The following CHMP7 variants were observed in gnomAD, a reference collection of about 807,000 sequenced individuals.
CHMP7 encodes charged multivesicular body protein 7.
CHMP7 carries 15 observed loss-of-function variants against 53.7 expected under a neutral mutation model. That is an observed-to-expected ratio of 0.28 (90% confidence interval 0.19 to 0.43). CHMP7 has a LOEUF of 0.43. Among genes scored for constraint, CHMP7 ranks in the 20% least tolerant of loss-of-function variants. The pLI is 1.00. For missense variants in CHMP7, 527 were observed against 569.4 expected, an observed-to-expected ratio of 0.93 and a Z score of 0.76; for synonymous variants, 261 against 228.0, an observed-to-expected ratio of 1.14 and a Z score of -1.30.
At chr8:23,257,091 CTT>C (rs1195836725) in intron 5 of CHMP7, among the ~76,000 whole-genome samples, 4 of 130,888 alleles carry the variant, frequency 3.1e-5, no homozygotes, top group Non-Finnish European at 4.9e-5. Context: ...CGTGCCCGGC[CTT>C]TTTTTTTTTT....
intron 2 of CHMP7, among the ~76,000 whole-genome samples, chr8:23,248,448 G>A (rs751199088): frequency 6.6e-5 from 10 of 152,318 alleles, no homozygotes; most frequent in Non-Finnish European, 1.2e-4. Context: ...AATTACTTTT[G>A]CACCAACCTA....
In CHMP7 at chr8:23,251,725, C is replaced by G. The variant is rs190222913; in HGVS notation, c.471+2344C>G. Among the ~76,000 whole-genome samples the G allele has an allele frequency of 2.6e-4, 40 of 152,280 alleles. 1 individual carries two copies. Among genetic ancestry groups the G allele is most frequent in the African/African-American group, 9.4e-4 (39 of 41,548 alleles). The stretch of plus-strand genomic sequence containing the variant: ...CCAGGCCCTACACAGTATGGATTTA[C>G]TCGATTCTTTTTGATGCCTGCATGA... On this transcript the variant is annotated intron_variant, in intron 3 of 10. Transcript: ENST00000397677.
chr8:23,253,438 A>G (rs1383340526), intron 3 of CHMP7, among the ~76,000 whole-genome samples: 2 of 152,074 alleles, frequency 1.3e-5, no homozygotes, highest in African/African-American at 2.4e-5. Flanking sequence ...CGCTGCCACC[A>G]TGGCCAGCTA....
At chr8:23,250,018 G>A (rs1801855377) in intron 3 of CHMP7, among the ~76,000 whole-genome samples, 1 of 152,174 alleles carries the variant, frequency 6.6e-6, no homozygotes, top group Admixed American at 6.5e-5. Flanking sequence ...CAGATCCGTA[G>A]CCCTCGATCA....
Position 23,249,317 on chromosome 8 carries a change from C to G in CHMP7, c.407C>G (p.Ser136Cys). ...FLLKPLKWTL[S>C]NMLGDNKVPA... Reference sequence around the variant, plus strand: ...CTGAAGCCTCTCAAGTGGACTCTTTCTAACATGCTGGGAGATAATAAGGTT... The same window carrying G: ...CTGAAGCCTCTCAAGTGGACTCTTTGTAACATGCTGGGAGATAATAAGGTT... The change falls in exon 3 of 11, where the codon TCT becomes TGT. Residue 136 changes from serine (S) to cysteine (C), a missense_variant. Physicochemically the swap from Ser to Cys is moderately radical, Grantham distance 112. Coordinates refer to ENST00000397677, the MANE Select transcript of CHMP7 (RefSeq NM_152272.5). 6.2e-7 allele frequency: 1 copy of G among 1,613,336 alleles called. No individual in the cohort carries two copies. Among genetic ancestry groups the G allele is most frequent in the Non-Finnish European group, 8.5e-7 (1 of 1,179,728 alleles).
chr8:23,257,611 A>ACTG (rs1464304345), intron 5 of CHMP7, among the ~76,000 whole-genome samples: 1 of 152,186 alleles, frequency 6.6e-6, no homozygotes, highest in African/African-American at 2.4e-5. Flanking sequence ...TGTACAAGGA[A>ACTG]TCCCTAATAA....
intron 2 of CHMP7, among the ~76,000 whole-genome samples, chr8:23,248,727 AC>A (rs1457892572): frequency 1.3e-5 from 2 of 152,208 alleles, no homozygotes; most frequent in Non-Finnish European, 2.9e-5. Context: ...CCAAATAGTT[AC>A]ATCGTATCCT....
chr8:23,251,672 T>G (rs540234750), intron 3 of CHMP7, among the ~76,000 whole-genome samples: 1 of 152,222 alleles, frequency 6.6e-6, no homozygotes, highest in Non-Finnish European at 1.5e-5. Flanking sequence ...TTGTTTTCTT[T>G]CCATTGCATT....
chr8:23,246,677 T>C lies in CHMP7; in HGVS notation c.-19T>C. ...AGGGCCAGGCTTGTGTTCGCAGCCT[T>C]GCCGGGGCTGGGGTTCCGATGTGGT... On this transcript the variant is annotated 5_prime_UTR_variant, in exon 2 of 11. Transcript: ENST00000397677. 1.3e-6 allele frequency: 2 copies of C among 1,543,782 alleles called. No individual in the cohort carries two copies. The highest frequency in any genetic ancestry group is 1.7e-6 in the Non-Finnish European group (2 of 1,143,782).
rs564528294 is a variant in CHMP7, at chr8:23,255,707, G to A, written c.657+275G>A. Among the ~76,000 whole-genome samples, 282 of 151,426 alleles carry A rather than the reference G, an allele frequency of 1.9e-3. 1 individual carries two copies. The highest frequency in any genetic ancestry group is 2.1e-3 in the Non-Finnish European group (143 of 67,968). On this transcript the variant is annotated intron_variant, in intron 4 of 10. Coordinates refer to ENST00000397677, the MANE Select transcript of CHMP7 (RefSeq NM_152272.5). ...TCCCCGCCTGAGTCACTTAGGAGTC[G>A]TCTCAGTGATCAGATTGACTGTCAC...
chr8:23,250,004 C>T (rs1396815509), intron 3 of CHMP7, among the ~76,000 whole-genome samples: 3 of 152,160 alleles, frequency 2.0e-5, no homozygotes, highest in African/African-American at 7.2e-5. Context: ...CAGGAGACTC[C>T]CAGCAGATCC....
At chr8:23,259,317 T>C (rs112310103) in intron 9 of CHMP7, among the ~76,000 whole-genome samples, 191 bp downstream of exon 9, 14,374 of 147,170 alleles carry the variant, frequency 0.098, 893 homozygotes, top group Middle Eastern at 0.25. Context: ...TACAGGCGCC[T>C]GCCACTATGC....
Position 23,260,748 on chromosome 8 carries a change from G to T in CHMP7, c.*149G>T. On this transcript the variant is annotated 3_prime_UTR_variant, in exon 11 of 11. Coordinates refer to ENST00000397677, the MANE Select transcript of CHMP7 (RefSeq NM_152272.5). Reference sequence around the variant, plus strand: ...ATCTGGATGCTACTACTTACTACAGGACAGATAGAATTTCTGGAAGCGATG... The same window carrying T: ...ATCTGGATGCTACTACTTACTACAGTACAGATAGAATTTCTGGAAGCGATG... The T allele has an allele frequency of 1.5e-6, 1 of 671,366 alleles. No homozygotes were observed. The highest frequency in any genetic ancestry group is 2.6e-6 in the Non-Finnish European group (1 of 381,968). The allele number at this position is 671,366 out of a possible 1,614,324, so 41.6% of individuals were successfully genotyped here.
At position 23,260,644 on chromosome 8, in the gene CHMP7, G is replaced by T. The variant is rs1011415553; in HGVS notation, c.*45G>T. Reference sequence around the variant, plus strand: ...CTCATGTAAAAGAGAGACCAGGCTTGCTGGGTGTGTACATAGTTATTTAAA... The same window carrying T: ...CTCATGTAAAAGAGAGACCAGGCTTTCTGGGTGTGTACATAGTTATTTAAA... On this transcript the variant is annotated 3_prime_UTR_variant, in exon 11 of 11. Transcript: ENST00000397677. 24 of 1,391,822 alleles carry T rather than the reference G, an allele frequency of 1.7e-5. No homozygotes were observed. Among genetic ancestry groups the T allele is most frequent in the Non-Finnish European group, 2.4e-5 (23 of 975,846 alleles). The allele number at this position is 1,391,822 out of a possible 1,614,324, so 86.2% of individuals were successfully genotyped here.
intron 4 of CHMP7, among the ~76,000 whole-genome samples, chr8:23,255,773 T>G (rs991781846): frequency 6.8e-6 from 1 of 148,078 alleles, no homozygotes; most frequent in African/African-American, 2.5e-5. Context: ...TTATTGTACT[T>G]TTTTTTTTTT....
rs1276719729 is a variant in CHMP7, at chr8:23,258,015, C to G, written c.792-18C>G. On this transcript the variant is annotated intron_variant, in intron 5 of 10. Coordinates refer to ENST00000397677, the MANE Select transcript of CHMP7 (RefSeq NM_152272.5). ...CCATCCTGTGGCACAGTAATCTTAT[C>G]TGTCCCTTTGTTTCCAGGTGTAAAG... 3.8e-6 allele frequency: 6 copies of G among 1,599,110 alleles called. No individual in the cohort carries two copies. The highest frequency in any genetic ancestry group is 5.1e-6 in the Non-Finnish European group (6 of 1,167,614).
At chr8:23,248,148 G>C (rs1272785457) in intron 2 of CHMP7, 22 of 455,986 alleles carry the variant, frequency 4.8e-5, no homozygotes, top group South Asian at 3.4e-4. Context: ...AGTGGAAACC[G>C]TTTTCGTTCA....
In CHMP7 at chr8:23,260,986, C is replaced by A. The variant is rs992194900; in HGVS notation, c.*387C>A. 5 of 257,544 alleles carry A rather than the reference C, an allele frequency of 1.9e-5. No individual in the cohort carries two copies. The highest frequency in any genetic ancestry group is 8.6e-5 in the East Asian group (1 of 11,642). 16.0% of individuals were successfully genotyped at this position (257,544 alleles called of 1,614,324 possible). ...AAATCTGAATCAGTTCCCACTCCCC[C>A]CTGCGGTTTTTTAGAGGGGTTTATC... On this transcript the variant is annotated 3_prime_UTR_variant, in exon 11 of 11. Coordinates refer to ENST00000397677, the MANE Select transcript of CHMP7 (RefSeq NM_152272.5).
At chr8:23,257,549 T>G (rs1211494014) in intron 5 of CHMP7, among the ~76,000 whole-genome samples, 1 of 152,236 alleles carries the variant, frequency 6.6e-6, no homozygotes, top group East Asian at 1.9e-4. Flanking sequence ...GGTCCCTGCC[T>G]TTGCAGAGGT....
Sources: gnomAD v4.1 joint callset for allele counts (sites outside exome capture counted in the v4.1 genomes callset) on GRCh38, gnomAD v4.1.1 for gene constraint, MANE v1.5 for transcripts, NCBI Gene and HGNC (gene_info 2026-07-23, HGNC 2026-07-21) for gene names.